The following ABCA6 variants were observed in gnomAD, a reference collection of about 807,000 sequenced individuals.
ABCA6 encodes the protein ATP-binding cassette sub-family A member 6.
In ABCA6, 164 loss-of-function variants were observed where a neutral mutation model predicts 191.2. The observed-to-expected ratio is 0.86, with a 90% confidence interval of 0.76 to 0.98. The LOEUF (loss-of-function observed/expected upper bound fraction) is 0.98, where lower values mean the gene tolerates loss of function less well. Ranked by LOEUF, ABCA6 falls within the 50% of genes least tolerant of loss-of-function variation. The probability of loss-of-function intolerance (pLI) is 0.00; values close to 1 mark genes in which losing one functional copy is unlikely to be tolerated. For synonymous variants in ABCA6, 636 were observed against 647.7 expected (o/e 0.98, Z 0.27); for missense variants, 1,958 against 1,894.1 (o/e 1.03, Z -0.63).
At chr17:69,085,324 G>T in intron 31 of ABCA6, 142 bp from the exon 32 acceptor site, 1 of 841,944 alleles carries the variant, frequency 1.2e-6, no homozygotes, top group Non-Finnish European at 1.8e-6. Flanking sequence ...ATTTATTACA[G>T]AAAATGATTT....
intron 6 of ABCA6, among the ~76,000 whole-genome samples, chr17:69,132,844 A>G (rs1415555750): frequency 6.7e-6 from 1 of 150,156 alleles, no homozygotes; most frequent in Non-Finnish European, 1.5e-5. Context: ...ATACATATCT[A>G]TCTACCTACA....
intron 29 of ABCA6, 64 bp from the exon 30 acceptor site, chr17:69,086,799 C>T: frequency 2.8e-6 from 3 of 1,070,454 alleles, no homozygotes; most frequent in Non-Finnish European, 4.2e-6. Flanking sequence ...CTGCTGGAAC[C>T]TTTCATGCCT....
intron 25 of ABCA6, among the ~76,000 whole-genome samples, chr17:69,092,280 T>C (rs1448720407): frequency 6.6e-6 from 1 of 152,204 alleles, no homozygotes; most frequent in Non-Finnish European, 1.5e-5. Flanking sequence ...GAATATTACA[T>C]AAATGCCAGG....
Position 69,114,834 on chromosome 17 carries a change from T to C in ABCA6, c.1710A>G (p.Ile570Met). ...GGCTGAGGTTTTCCTTCACGGTGAG[T>C]ATGTCAAATTGAACATTGAATTGAG... ...VCPQFNVQFD[I>M]LTVKENLSLF... The change falls in exon 13 of 39, where the codon ATA becomes ATG. Residue 570 changes from isoleucine to methionine, a missense_variant. Transcript: ENST00000284425. 1.2e-6 allele frequency: 2 copies of C among 1,612,820 alleles called. No individual in the cohort carries two copies. The highest frequency in any genetic ancestry group is 1.7e-6 in the Non-Finnish European group (2 of 1,179,254).
At chr17:69,124,854 T>A in intron 9 of ABCA6, 34 bp downstream of exon 9, 1 of 1,313,058 alleles carries the variant, frequency 7.6e-7, no homozygotes, top group Non-Finnish European at 1.0e-6. Context: ...AATTAATAAC[T>A]GTAGAGGACA....
intron 13 of ABCA6, 88 bp downstream of exon 13, chr17:69,114,674 G>T: frequency 7.6e-7 from 1 of 1,318,412 alleles, no homozygotes; most frequent in Non-Finnish European, 1.0e-6. Flanking sequence ...TCATAACAGG[G>T]CAAATAAATC....
In ABCA6 at chr17:69,113,294, G is replaced by T. The variant is rs149756641; in HGVS notation, c.1969C>A (p.Leu657Met). The T allele has an allele frequency of 2.8e-4, 441 of 1,600,102 alleles. No individual in the cohort carries two copies. Among genetic ancestry groups the T allele is most frequent in the Non-Finnish European group, 3.7e-4 (434 of 1,176,504 alleles). Residue 657 changes from leucine to methionine, a missense_variant, in exon 15 of 39, where the codon CTG becomes ATG. Physicochemically the swap from Leu to Met is conservative, Grantham distance 15. Transcript: ENST00000284425. ...ACATGATCTGCTCTACGCTCTCTCA[G>T]GAGGCTCCACACTTGATCTCTGGAA... ...PFSRDQVWSL[L>M]RERRADHVIL... is the part of the protein sequence containing the mutation.
At position 69,117,888 on chromosome 17, in the gene ABCA6, TTTTC is replaced by T. The variant is rs774827883; in HGVS notation, c.1495+6_1495+9del. On this transcript the variant is annotated splice_donor_region_variant and intron_variant, in intron 11 of 38. Coordinates refer to ENST00000284425, the MANE Select transcript of ABCA6 (RefSeq NM_080284.3). Reference sequence around the variant, plus strand: ...GTGAAAGAATGAAATTTTTCAATGTTTTTCTTTACCTTTCAATGCTTCCACTTTT... The same window carrying T: ...GTGAAAGAATGAAATTTTTCAATGTTTTTACCTTTCAATGCTTCCACTTTT... 5.2e-6 allele frequency: 8 copies of T among 1,545,568 alleles called. No individual in the cohort carries two copies. The highest frequency in any genetic ancestry group is 7.1e-6 in the Non-Finnish European group (8 of 1,127,944).
chr17:69,134,149 G>T (rs1274368010), intron 5 of ABCA6, among the ~76,000 whole-genome samples: 1 of 152,024 alleles, frequency 6.6e-6, no homozygotes, highest in African/African-American at 2.4e-5. Context: ...TGTGTTCCTT[G>T]GTCTGAATAT....
chr17:69,085,778 G>T, intron 30 of ABCA6, 62 bp from the exon 31 acceptor site: 1 of 1,185,742 alleles, frequency 8.4e-7, no homozygotes, highest in Non-Finnish European at 1.2e-6. Flanking sequence ...TAAACCTTTT[G>T]CTCCAGTGAA....
chr17:69,109,608 T>C (rs1452274909), intron 17 of ABCA6: 1 of 152,158 alleles, frequency 6.6e-6, no homozygotes, highest in African/African-American at 2.4e-5. Flanking sequence ...AAATGGAAAA[T>C]TCCAGAAATA....
chr17:69,081,133 C>A lies in ABCA6; in HGVS notation c.4629G>T (p.Leu1543Phe). The A allele has an allele frequency of 6.3e-7, 1 of 1,592,392 alleles. No homozygotes were observed. The highest frequency in any genetic ancestry group is 1.2e-5 in the South Asian group (1 of 85,826). The stretch of plus-strand genomic sequence containing the variant: ...CTGCCACGGGCAGCTTATAGGTTAA[C>A]AAAGAGGAATACCTGAAAACAGGAA... Reference protein sequence around the residue: ...QAAGQERYSSLLTYKLPVADV... With the variant: ...QAAGQERYSSFLTYKLPVADV... The change falls in exon 37 of 39, where the codon TTG becomes TTT. Residue 1543 changes from leucine (L) to phenylalanine (F), a missense_variant. Physicochemically the swap from Leu to Phe is conservative, Grantham distance 22. Coordinates refer to ENST00000284425, the MANE Select transcript of ABCA6 (RefSeq NM_080284.3).
At position 69,078,977 on chromosome 17, in the gene ABCA6, G is replaced by C. The variant is rs1352394991; in HGVS notation, c.4850C>G (p.Pro1617Arg). 20 of 1,604,118 alleles carry C rather than the reference G, an allele frequency of 1.2e-5. No individual in the cohort carries two copies. The highest frequency in any genetic ancestry group is 1.7e-5 in the Non-Finnish European group (20 of 1,175,662). Residue 1617 changes from proline (P) to arginine (R), a missense_variant, in exon 39 of 39, where the codon CCT becomes CGT. By Grantham distance (103) the Pro-to-Arg change is moderately radical. Transcript: ENST00000284425. ...AAAATTACTAGGTTTGAGGTTTTAA[G>C]GTTCATCTGAATGAGGGAGGAGTTT... ...RWKLLPHSDE[P>R]
At chr17:69,083,059 T>A in intron 35 of ABCA6, 46 bp from the exon 36 acceptor site, 1 of 1,600,766 alleles carries the variant, frequency 6.2e-7, no homozygotes, top group Non-Finnish European at 8.5e-7. Context: ...TTGCCCTTAA[T>A]TTTTTAATGT....
chr17:69,106,240 ATAT>A, intron 18 of ABCA6, 29 bp from the exon 19 acceptor site: 2 of 1,568,626 alleles, frequency 1.3e-6, no homozygotes, highest in Admixed American at 3.8e-5. Flanking sequence ...ACAAACACAC[ATAT>A]TATAATATTA....
At chr17:69,092,206 C>A (rs994363931) in intron 25 of ABCA6, among the ~76,000 whole-genome samples, 11 of 152,154 alleles carry the variant, frequency 7.2e-5, no homozygotes, top group Non-Finnish European at 1.5e-4. Flanking sequence ...ACTACCCTTT[C>A]TTTCCCAGAT....
chr17:69,118,545 C>T (rs2073579355), intron 10 of ABCA6, among the ~76,000 whole-genome samples: 1 of 152,054 alleles, frequency 6.6e-6, no homozygotes, highest in Non-Finnish European at 1.5e-5. Context: ...ACTCACCACT[C>T]CAGTGAACCA....
intron 20 of ABCA6, among the ~76,000 whole-genome samples, 193 bp from the exon 21 acceptor site, chr17:69,103,161 G>A (rs966304224): frequency 1.3e-5 from 2 of 152,020 alleles, no homozygotes; most frequent in African/African-American, 4.8e-5. Context: ...ATACCACAAT[G>A]AATTAGCTTT....
In ABCA6 at chr17:69,101,290, T is replaced by A. The variant is rs2073174693; in HGVS notation, c.2875-356A>T. ...CTCCCTGACAAGGAGATGCTGTCAG[T>A]TTATGATGAAGAAGCAAAGGAAGAT... On this transcript the variant is annotated intron_variant, in intron 21 of 38. Coordinates refer to ENST00000284425, the MANE Select transcript of ABCA6 (RefSeq NM_080284.3). Among the ~76,000 whole-genome samples the A allele has an allele frequency of 2.0e-5, 3 of 152,054 alleles. No individual in the cohort carries two copies. The South Asian group carries it at 6.2e-4, about 32-fold the overall frequency.
Sources: allele counts gnomAD v4.1 joint callset (sites outside exome capture counted in the v4.1 genomes callset), GRCh38; gene constraint gnomAD v4.1.1; transcripts MANE v1.5; gene names NCBI Gene and HGNC (gene_info 2026-07-23, HGNC 2026-07-21).